Variants in ZNF197 observed in about 807,000 individuals in gnomAD.
The protein encoded by ZNF197 is zinc finger protein 197.
ZNF197 carries 14 observed loss-of-function variants against 27.4 expected under a neutral mutation model. That is an observed-to-expected ratio of 0.51 (90% CI 0.34 to 0.80). The LOEUF (loss-of-function observed/expected upper bound fraction) is 0.80. Ranked by LOEUF, ZNF197 falls within the 30% of genes least tolerant of loss-of-function variation. The probability of loss-of-function intolerance (pLI) is 0.02; values close to 1 mark genes in which losing one functional copy is unlikely to be tolerated. For synonymous variants in ZNF197, 415 were observed against 420.0 expected (o/e 0.99, Z 0.15); for missense variants, 1,090 against 1,222.6 (o/e 0.89, Z 1.62).
rs1281540873 is a variant in ZNF197 at position 44,645,713 on chromosome 3, A to T, written c.*1493A>T. On this transcript the variant is annotated 3_prime_UTR_variant, in exon 6 of 6. Coordinates refer to ENST00000344387, the MANE Select transcript of ZNF197 (RefSeq NM_006991.5). ...TATTTCATCATTGCTGTCAAATGAT[A>T]GCCTGTTACTAATGAAACAACATTC... 2 of 985,342 alleles carry T rather than the reference A, an allele frequency of 2.0e-6. No homozygotes were observed. Among genetic ancestry groups the T allele is most frequent in the Non-Finnish European group, 2.4e-6 (2 of 829,946 alleles). The allele number at this position is 985,342 out of a possible 1,614,324, so 61.0% of individuals were successfully genotyped here.
In ZNF197 at chr3:44,631,068, G is replaced by T. The variant is rs1701959931; in HGVS notation, c.397G>T (p.Val133Phe). ...DLDGPAIQVP[V>F]LVKDQDTLQK... is the part of the protein sequence containing the mutation. ...TTATTTTACTTGTTTCCAGGTTCCA[G>T]TCCTTGTCAAGGATCAGGACACTCT... The change falls in exon 3 of 6, where the codon GTC becomes TTC. Residue 133 changes from valine to phenylalanine, a missense_variant. By Grantham distance (50) the Val-to-Phe change is conservative. Transcript: ENST00000344387. The T allele has an allele frequency of 6.2e-7, 1 of 1,614,130 alleles. No homozygotes were observed. The highest frequency in any genetic ancestry group is 8.5e-7 in the Non-Finnish European group (1 of 1,180,024).
In ZNF197 at chr3:44,628,229, TAGC is replaced by T. The variant is rs571246427; in HGVS notation, c.-81-842_-81-840del. On this transcript the variant is annotated intron_variant, in intron 1 of 5. Transcript: ENST00000344387. ...ATGGTAAGGACATAGTTCAGAATAA[TAGC>T]AGTGATTGTTTTCTGGTTTTGTGTG... is the stretch of plus-strand genomic sequence containing the variant. 1.5e-3 allele frequency among the ~76,000 whole-genome samples: 221 copies of T among 152,304 alleles called. 1 individual carries two copies. Among genetic ancestry groups the T allele is most frequent in the Middle Eastern group, 3.4e-3 (1 of 294 alleles).
rs143616492 is a variant in ZNF197 at position 44,644,360 on chromosome 3, C to T, written c.*140C>T. On this transcript the variant is annotated 3_prime_UTR_variant, in exon 6 of 6. Coordinates refer to ENST00000344387, the MANE Select transcript of ZNF197 (RefSeq NM_006991.5). ...AGCATATAGAAGAAAGTTAATAGGC[C>T]GGGCTTGGTGGCTCATGCCTGTAAT... The T allele has an allele frequency of 2.7e-4, 374 of 1,405,478 alleles. 2 individuals carry two copies. In the East Asian group the frequency reaches 5.7e-3, roughly 21 times the overall value. 87.1% of individuals were successfully genotyped at this position (1,405,478 alleles called of 1,614,324 possible). A position where few individuals can be genotyped will look rare whatever the true frequency, so the allele number is the denominator to read the frequency against.
rs571077173 is a variant in ZNF197, at chr3:44,644,316, C to A, written c.*96C>A. The A allele has an allele frequency of 1.5e-4, 226 of 1,465,972 alleles. No homozygotes were observed. The African/African-American group carries it at 2.6e-3, about 17-fold the overall frequency. 90.8% of individuals were successfully genotyped at this position (1,465,972 alleles called of 1,614,324 possible). ...CTAAGGAAAAAGTTTATTATTTACT[C>A]TTTACTAGACAAATGAGTAGCATAT... On this transcript the variant is annotated 3_prime_UTR_variant, in exon 6 of 6. Coordinates refer to ENST00000344387, the MANE Select transcript of ZNF197 (RefSeq NM_006991.5).
chr3:44,632,755 T>A (rs896253623), intron 5 of ZNF197, among the ~76,000 whole-genome samples, 156 bp downstream of exon 5: 1 of 152,218 alleles, frequency 6.6e-6, no homozygotes, highest in African/African-American at 2.4e-5. Context: ...ATAACTATTA[T>A]CATTTTGATA....
rs371808424 is a variant in ZNF197, at chr3:44,644,241, A to G, written c.*21A>G. 8 of 1,555,132 alleles carry G rather than the reference A, an allele frequency of 5.1e-6. No homozygotes were observed. Among genetic ancestry groups the G allele is most frequent in the Middle Eastern group, 1.7e-4 (1 of 5,814 alleles). On this transcript the variant is annotated 3_prime_UTR_variant, in exon 6 of 6. Coordinates refer to ENST00000344387, the MANE Select transcript of ZNF197 (RefSeq NM_006991.5). ...TCTAGTGTCATATGTAAAATGGAAT[A>G]GAATCCCTGCCTACTTAAGTAACTG... is the stretch of plus-strand genomic sequence containing the variant.
rs540203972 is a variant in ZNF197 at position 44,631,981 on chromosome 3, G to A, written c.551-124G>A. On this transcript the variant is annotated intron_variant, in intron 3 of 5. Coordinates refer to ENST00000344387, the MANE Select transcript of ZNF197 (RefSeq NM_006991.5). ...TTCCCAAAGCTCTGGGATTACAGGT[G>A]TGAGCCACCACGCCCTGCCTTGTAT... The A allele has an allele frequency of 4.6e-6, 4 of 868,252 alleles. No homozygotes were observed. The East Asian group carries it at 7.6e-5, about 17-fold the overall frequency. 53.8% of individuals were successfully genotyped at this position (868,252 alleles called of 1,614,324 possible). A position where few individuals can be genotyped will look rare whatever the true frequency, so the allele number is the denominator to read the frequency against.
intron 1 of ZNF197, among the ~76,000 whole-genome samples, chr3:44,627,405 CTT>C (rs1701731756): frequency 6.6e-6 from 1 of 152,194 alleles, no homozygotes; most frequent in Non-Finnish European, 1.5e-5. Context: ...CTGAAGTTTA[CTT>C]TCCTTCTCTG....
chr3:44,644,000 C>A lies in ZNF197; in HGVS notation c.2870C>A (p.Pro957His). ...CAGAGAATTCACACAGGGGAGAAACCCTATGGGTGTAATGATTGTAGTAAA... is the reference window on the plus strand; with the variant it reads ...CAGAGAATTCACACAGGGGAGAAACACTATGGGTGTAATGATTGTAGTAAA... ...GHQRIHTGEKPYGCNDCSKVF... is the reference protein window; with the variant it reads ...GHQRIHTGEKHYGCNDCSKVF... Residue 957 changes from proline to histidine, a missense_variant, in exon 6 of 6, where the codon CCC becomes CAC. Coordinates refer to ENST00000344387, the MANE Select transcript of ZNF197 (RefSeq NM_006991.5). The A allele has an allele frequency of 1.2e-6, 2 of 1,614,080 alleles. No individual in the cohort carries two copies. Among genetic ancestry groups the A allele is most frequent in the Middle Eastern group, 1.7e-4 (1 of 6,058 alleles).
chr3:44,627,571 G>T (rs1701744679), intron 1 of ZNF197, among the ~76,000 whole-genome samples: 2 of 152,118 alleles, frequency 1.3e-5, no homozygotes, highest in African/African-American at 4.8e-5. Flanking sequence ...GGTGGCTCAT[G>T]CCTGTAATCT....
At chr3:44,629,767 AG>A (rs1296314494) in intron 2 of ZNF197, among the ~76,000 whole-genome samples, 1 of 152,262 alleles carries the variant, frequency 6.6e-6, no homozygotes, top group Non-Finnish European at 1.5e-5. Context: ...ACTGAGAAGC[AG>A]CATAAAAACA....
At chr3:44,639,392 C>A (rs1000233234) in intron 5 of ZNF197, among the ~76,000 whole-genome samples, 1 of 151,288 alleles carries the variant, frequency 6.6e-6, no homozygotes, top group Non-Finnish European at 1.5e-5. Context: ...AAATGGTATT[C>A]TTTTAAGGTT....
intron 5 of ZNF197, among the ~76,000 whole-genome samples, chr3:44,635,047 C>T (rs1054452530): frequency 6.6e-6 from 1 of 151,804 alleles, no homozygotes; most frequent in African/African-American, 2.4e-5. Context: ...ATCAATCTTT[C>T]CTAAAAATTT....
rs548217663 is a variant in ZNF197, at chr3:44,645,642, A to G, written c.*1422A>G. The stretch of plus-strand genomic sequence containing the variant: ...AGAGGGAAAAAAATCCTTGACCCGC[A>G]GTTGAGCTGATGATCCCTGCCACAG... On this transcript the variant is annotated 3_prime_UTR_variant, in exon 6 of 6. Transcript: ENST00000344387. 63 of 985,448 alleles carry G rather than the reference A, an allele frequency of 6.4e-5. No individual in the cohort carries two copies. The African/African-American group carries it at 1.0e-3, about 16-fold the overall frequency. The allele number at this position is 985,448 out of a possible 1,614,324, so 61.0% of individuals were successfully genotyped here.
chr3:44,629,313 A>AT lies in ZNF197; in HGVS notation c.160dup (p.Ser54PhefsTer72). 6.2e-7 allele frequency: 1 copy of AT among 1,614,152 alleles called. No homozygotes were observed. The highest frequency in any genetic ancestry group is 8.5e-7 in the Non-Finnish European group (1 of 1,180,024). On this transcript the variant is annotated frameshift_variant, in exon 2 of 6. Transcript: ENST00000344387. LOFTEE classifies it high-confidence loss of function. Reference sequence around the variant, plus strand: ...TTAGACAATTACGTTACCATGAGACATCTGGACCCCAGGAAGCCCTGAGCC... The same window carrying AT: ...TTAGACAATTACGTTACCATGAGACATTCTGGACCCCAGGAAGCCCTGAGCC...
At chr3:44,638,754 C>T (rs1702440710) in intron 5 of ZNF197, among the ~76,000 whole-genome samples, 2 of 152,178 alleles carry the variant, frequency 1.3e-5, no homozygotes, top group Admixed American at 6.5e-5. Flanking sequence ...AGTGCAGTGG[C>T]GTGATCACGG....
In ZNF197 at chr3:44,643,443, C is replaced by T; in HGVS notation, c.2313C>T (p.Phe771=). The T allele has an allele frequency of 6.2e-7, 1 of 1,614,134 alleles. No individual in the cohort carries two copies. The highest frequency in any genetic ancestry group is 8.5e-7 in the Non-Finnish European group (1 of 1,180,032). The part of the protein sequence containing the change: ...PFECSECGRA[F]SSNRNLIEHK... Reference sequence around the variant, plus strand: ...AATGCAGTGAGTGTGGAAGAGCTTTCAGTTCAAACAGAAACCTCATTGAGC... The same window carrying T: ...AATGCAGTGAGTGTGGAAGAGCTTTTAGTTCAAACAGAAACCTCATTGAGC... Residue 771 remains phenylalanine (F), a synonymous_variant, in exon 6 of 6, where the codon TTC becomes TTT. Transcript: ENST00000344387.
In ZNF197 at chr3:44,642,613, G is replaced by C; in HGVS notation, c.1483G>C (p.Ala495Pro). Residue 495 changes from alanine (A) to proline (P), a missense_variant, in exon 6 of 6, where the codon GCT becomes CCT. Ala to Pro is a conservative substitution (Grantham distance 27, BLOSUM62 -1). Transcript: ENST00000344387. ...ATGTGGGAAAGTCTTCTCTCAGAAT[G>C]CTTACCTCATTGACCATCAGAGGCT... The part of the protein sequence containing the change: ...NECGKVFSQN[A>P]YLIDHQRLHK... 2 of 1,614,008 alleles carry C rather than the reference G, an allele frequency of 1.2e-6. No homozygotes were observed. Among genetic ancestry groups the C allele is most frequent in the Non-Finnish European group, 1.7e-6 (2 of 1,180,004 alleles).
At position 44,643,555 on chromosome 3, in the gene ZNF197, C is replaced by G; in HGVS notation, c.2425C>G (p.Gln809Glu). 1.9e-6 allele frequency: 3 copies of G among 1,614,166 alleles called. No homozygotes were observed. The highest frequency in any genetic ancestry group is 2.5e-6 in the Non-Finnish European group (3 of 1,180,028). ...FILKKSLIGH[Q>E]RIHTREKSYK... ...TCTGAAGAAAAGCCTCATTGGACAT[C>G]AGAGAATTCACACGAGGGAAAAATC... The change falls in exon 6 of 6, where the codon CAG becomes GAG. Residue 809 changes from glutamine to glutamate, a missense_variant. Transcript: ENST00000344387.
Sources: gnomAD v4.1 joint callset for allele counts (sites outside exome capture counted in the v4.1 genomes callset) on GRCh38, gnomAD v4.1.1 for gene constraint, MANE v1.5 for transcripts, NCBI Gene and HGNC (gene_info 2026-07-23, HGNC 2026-07-21) for gene names.